The following CSMD1 variants were observed in gnomAD, a reference collection of about 807,000 sequenced individuals.
The protein encoded by CSMD1 is CUB and Sushi multiple domains 1.
A neutral mutation model predicts 417.5 loss-of-function variants in CSMD1; 213 were observed. That is an observed-to-expected ratio of 0.51 (90% confidence interval 0.46 to 0.57). CSMD1 has a LOEUF of 0.57. Among genes scored for constraint, CSMD1 ranks in the 20% least tolerant of loss-of-function variants. CSMD1 has a pLI of 0.00. For missense variants in CSMD1, 6,923 were observed against 4,529.7 expected (o/e 1.53, Z -15.17); for synonymous variants, 2,862 against 1,736.8 (o/e 1.65, Z -16.11).
At chr8:3,449,668 C>T (rs1815561791) in intron 12 of CSMD1, among the ~76,000 whole-genome samples, 1 of 152,102 alleles carries the variant, frequency 6.6e-6, no homozygotes, top group African/African-American at 2.4e-5. Flanking sequence ...CAGGTGACTG[C>T]AACCATGCCT....
intron 49 of CSMD1, among the ~76,000 whole-genome samples, chr8:3,077,092 G>A (rs1813737573): frequency 6.6e-6 from 1 of 152,072 alleles, no homozygotes; most frequent in Admixed American, 6.5e-5. Context: ...TGCTCATTAG[G>A]TGCCTGCACG....
intron 69 of CSMD1, among the ~76,000 whole-genome samples, chr8:2,940,040 C>T (rs1801760839): frequency 6.6e-6 from 1 of 152,176 alleles, no homozygotes; most frequent in Admixed American, 6.5e-5. Flanking sequence ...AAGCAACTCC[C>T]AACATGCAAG....
chr8:3,725,487 G>T (rs1021276274), intron 6 of CSMD1, among the ~76,000 whole-genome samples: 1 of 152,160 alleles, frequency 6.6e-6, no homozygotes, highest in Non-Finnish European at 1.5e-5. Context: ...TGCTGATTTT[G>T]TGGGTGATAT....
At chr8:4,090,374 G>C (rs1410431463) in intron 3 of CSMD1, among the ~76,000 whole-genome samples, 1 of 152,106 alleles carries the variant, frequency 6.6e-6, no homozygotes, top group Non-Finnish European at 1.5e-5. Flanking sequence ...ATTACAAAGT[G>C]TCAGATTTTC....
At chr8:3,294,794 T>G (rs1005140904) in intron 25 of CSMD1, among the ~76,000 whole-genome samples, 60 of 152,252 alleles carry the variant, frequency 3.9e-4, no homozygotes, top group African/African-American at 1.4e-3. Flanking sequence ...TGCCTCCCCC[T>G]GCTTTGGCTC....
chr8:4,840,076 G>C (rs959569858), intron 1 of CSMD1, among the ~76,000 whole-genome samples: 3 of 98,116 alleles, frequency 3.1e-5, no homozygotes, highest in African/African-American at 6.8e-5. Context: ...CGCATCCATA[G>C]GCTTGGGAAG....
intron 5 of CSMD1, among the ~76,000 whole-genome samples, chr8:3,845,805 T>C (rs1421557690): frequency 6.6e-6 from 1 of 152,160 alleles, no homozygotes; most frequent in African/African-American, 2.4e-5. Flanking sequence ...CTTTATATTT[T>C]TATTCTATGT....
chr8:4,005,298 T>C (rs1816021553), intron 4 of CSMD1, among the ~76,000 whole-genome samples: 1 of 151,978 alleles, frequency 6.6e-6, no homozygotes, highest in Admixed American at 6.5e-5. Flanking sequence ...TAAAATAAAA[T>C]AATAAAAAAA....
At chr8:4,560,997 A>G (rs1053971719) in intron 2 of CSMD1, among the ~76,000 whole-genome samples, 1 of 152,260 alleles carries the variant, frequency 6.6e-6, no homozygotes, top group Admixed American at 6.5e-5. Context: ...CAAGTCTTAC[A>G]CAGTGCTTTG....
intron 27 of CSMD1, among the ~76,000 whole-genome samples, chr8:3,226,553 G>C (rs1221231005): frequency 1.4e-5 from 2 of 142,842 alleles, no homozygotes; most frequent in African/African-American, 2.7e-5. Context: ...CTGCACTCCA[G>C]CTTATGTGAC....
intron 26 of CSMD1, among the ~76,000 whole-genome samples, chr8:3,246,573 G>A (rs1799895036): frequency 6.6e-6 from 1 of 152,128 alleles, no homozygotes; most frequent in East Asian, 1.9e-4. Flanking sequence ...CCGTGTTCAA[G>A]GGATTCTCCT....
chr8:3,669,315 G>A (rs1334628041), intron 7 of CSMD1, among the ~76,000 whole-genome samples: 1 of 152,148 alleles, frequency 6.6e-6, no homozygotes, highest in Non-Finnish European at 1.5e-5. Flanking sequence ...CTGTTTGTGT[G>A]AGCAATTATT....
chr8:4,173,428 G>C (rs1447532457), intron 3 of CSMD1, among the ~76,000 whole-genome samples: 2 of 152,190 alleles, frequency 1.3e-5, no homozygotes, highest in African/African-American at 4.8e-5. Context: ...CAGAGGTAAA[G>C]GTCACCAGAG....
chr8:4,282,852 G>A (rs118172923), intron 3 of CSMD1, among the ~76,000 whole-genome samples: 50 of 152,122 alleles, frequency 3.3e-4, no homozygotes, highest in Non-Finnish European at 6.5e-4. Context: ...TCTGACAAAC[G>A]TTCATTTTCT....
intron 2 of CSMD1, among the ~76,000 whole-genome samples, chr8:4,595,387 C>CTTTTTTTTTTTTTTTCT: frequency 4.1e-5 from 6 of 147,416 alleles, no homozygotes; most frequent in East Asian, 2.0e-4. Context: ...CATTCATTTT[C>CTTTTTTTTTTTTTTTCT]ATTCCATCCA....
chr8:2,955,461 G>T, intron 64 of CSMD1, 128 bp downstream of exon 64: 1 of 791,170 alleles, frequency 1.3e-6, no homozygotes, highest in Non-Finnish European at 2.0e-6. Context: ...GCACGACTGA[G>T]GCAGGTGGCG....
At chr8:3,101,470 T>C (rs1815736283) in intron 46 of CSMD1, among the ~76,000 whole-genome samples, 2 of 152,212 alleles carry the variant, frequency 1.3e-5, no homozygotes, top group African/African-American at 4.8e-5. Flanking sequence ...ACGCCCAGGC[T>C]GGAGTGCAAT....
chr8:4,993,733 G>T (rs568762886), intron 1 of CSMD1, among the ~76,000 whole-genome samples: 1 of 152,332 alleles, frequency 6.6e-6, no homozygotes, highest in East Asian at 1.9e-4. Context: ...GGAGAGGAAA[G>T]CGGGGGCGAC....
intron 2 of CSMD1, among the ~76,000 whole-genome samples, chr8:4,548,109 T>A (rs1246774534): frequency 1.3e-5 from 2 of 152,130 alleles, no homozygotes; most frequent in African/African-American, 4.8e-5. Flanking sequence ...TCTCATAGTT[T>A]ATTTGCTTTG....
Sources: gnomAD v4.1 joint callset for allele counts (sites outside exome capture counted in the v4.1 genomes callset) on GRCh38, gnomAD v4.1.1 for gene constraint, MANE v1.5 for transcripts, NCBI Gene and HGNC (gene_info 2026-07-23, HGNC 2026-07-21) for gene names.